The following UBR2 variants were observed in gnomAD, a reference collection of about 807,000 sequenced individuals.
UBR2 encodes the protein E3 ubiquitin-protein ligase UBR2.
Under a neutral mutation model 247.9 loss-of-function variants are expected in UBR2, and 92 were observed. That is an observed-to-expected ratio of 0.37 (90% CI 0.31 to 0.44). UBR2 has a LOEUF of 0.44. Ranked by LOEUF, UBR2 falls within the 20% of genes least tolerant of loss-of-function variation. The probability of loss-of-function intolerance (pLI) is 1.00; values close to 1 mark genes in which losing one functional copy is unlikely to be tolerated. For missense variants in UBR2, 1,613 were observed against 2,112.6 expected, an observed-to-expected ratio of 0.76 and a Z score of 4.64; for synonymous variants, 672 against 693.5, an observed-to-expected ratio of 0.97 and a Z score of 0.49.
intron 38 of UBR2, 125 bp from the exon 39 acceptor site, chr6:42,675,931 T>G: frequency 7.4e-7 from 1 of 1,346,812 alleles, no homozygotes; most frequent in East Asian, 2.6e-5. Flanking sequence ...CACTCCAGCC[T>G]GGGCAACAGA....
At chr6:42,642,230 T>C (rs1796490818) in intron 17 of UBR2, among the ~76,000 whole-genome samples, 186 bp from the exon 18 acceptor site, 2 of 152,176 alleles carry the variant, frequency 1.3e-5, no homozygotes, top group African/African-American at 4.8e-5. Context: ...ATGTGAACCA[T>C]ATCATGACCA....
chr6:42,681,553 C>T (rs1440184271), intron 42 of UBR2, among the ~76,000 whole-genome samples: 1 of 150,912 alleles, frequency 6.6e-6, no homozygotes, highest in African/African-American at 2.4e-5. Flanking sequence ...TACCACTTCA[C>T]ACCCATTAGG....
chr6:42,657,890 T>A, intron 26 of UBR2, 134 bp from the exon 27 acceptor site: 1 of 601,400 alleles, frequency 1.7e-6, no homozygotes, highest in Non-Finnish European at 2.9e-6. Flanking sequence ...ATTGAAAATC[T>A]CTATTTTGGT....
chr6:42,595,114 A>T (rs1792885940), intron 4 of UBR2, among the ~76,000 whole-genome samples: 1 of 152,200 alleles, frequency 6.6e-6, no homozygotes, highest in Non-Finnish European at 1.5e-5. Flanking sequence ...AATCAGGGTA[A>T]TTAACATATC....
At chr6:42,640,331 C>A in intron 16 of UBR2, 61 bp downstream of exon 16, 2 of 1,439,750 alleles carry the variant, frequency 1.4e-6, no homozygotes, top group South Asian at 2.5e-5. Flanking sequence ...TATTTGGAAT[C>A]ACTTTGAAAC....
intron 2 of UBR2, among the ~76,000 whole-genome samples, chr6:42,590,726 G>GA (rs972005517): frequency 6.6e-6 from 1 of 152,140 alleles, no homozygotes; most frequent in Non-Finnish European, 1.5e-5. Context: ...GGGAGAAATG[G>GA]AAAAATCAAC....
intron 5 of UBR2, among the ~76,000 whole-genome samples, chr6:42,605,335 T>C (rs1444032192): frequency 2.0e-5 from 3 of 152,112 alleles, no homozygotes; most frequent in Non-Finnish European, 4.4e-5. Context: ...GCCCCAGTCT[T>C]GACAACCAGA....
At chr6:42,574,155 T>G (rs567073861) in intron 2 of UBR2, among the ~76,000 whole-genome samples, 162 bp downstream of exon 2, 3 of 152,336 alleles carry the variant, frequency 2.0e-5, no homozygotes, top group African/African-American at 7.2e-5. Context: ...AAGCAAACAT[T>G]TTTGTAATTA....
intron 2 of UBR2, among the ~76,000 whole-genome samples, chr6:42,586,538 C>CTTTTTTTTTTTTTTTTTTTTT (rs147830824): frequency 2.4e-4 from 23 of 97,254 alleles, no homozygotes; most frequent in Non-Finnish European, 2.9e-4. Context: ...GTTTGTCTCT[C>CTTTTTTTTTTTTTTTTTTTTT]TTTTTTTTTT....
chr6:42,686,836 C>T (rs1799440287), intron 44 of UBR2, among the ~76,000 whole-genome samples: 1 of 151,998 alleles, frequency 6.6e-6, no homozygotes, highest in East Asian at 1.9e-4. Context: ...AGGGGCTCCT[C>T]ACTTCTCAGA....
Position 42,666,150 on chromosome 6 carries a change from A to G in UBR2, c.3803-17A>G, listed in dbSNP as rs1798095399. The G allele has an allele frequency of 6.3e-7, 1 of 1,599,252 alleles. No homozygotes were observed. Among genetic ancestry groups the G allele is most frequent in the Admixed American group, 1.7e-5 (1 of 58,714 alleles). On this transcript the variant is annotated splice_polypyrimidine_tract_variant and intron_variant, in intron 33 of 46. Transcript: ENST00000372901. ...TGTCATCTATTGAATAATAGTATAA[A>G]ATGCCTGTTTCTATAGATAATGCCT...
chr6:42,605,942 G>GAT (rs1793669227), intron 6 of UBR2, 83 bp downstream of exon 6: 9 of 1,209,552 alleles, frequency 7.4e-6, no homozygotes, highest in Non-Finnish European at 6.8e-6. Flanking sequence ...TTGAGTTAAA[G>GAT]ATATATATAT....
Position 42,615,937 on chromosome 6 carries a change from A to C in UBR2, c.1094-65A>C, listed in dbSNP as rs1663940068. ...ACAAAAAAAACCCACTGTGGATCAC[A>C]TAACACTTGAGAAATGTAATTGTTG... On this transcript the variant is annotated intron_variant, in intron 9 of 46. Coordinates refer to ENST00000372901, the MANE Select transcript of UBR2 (RefSeq NM_001363705.2). The C allele has an allele frequency of 7.3e-6, 9 of 1,241,182 alleles. No homozygotes were observed. In the South Asian group the frequency reaches 1.4e-4, roughly 19 times the overall value. 76.9% of individuals were successfully genotyped at this position (1,241,182 alleles called of 1,614,324 possible). A position where few individuals can be genotyped will look rare whatever the true frequency, so the allele number is the denominator to read the frequency against.
rs563018738 is a variant in UBR2 at position 42,685,883 on chromosome 6, AAAG to A, written c.4853+1018_4853+1020del. Among the ~76,000 whole-genome samples the A allele has an allele frequency of 2.3e-3, 346 of 152,182 alleles. 2 individuals carry two copies. Among genetic ancestry groups the A allele is most frequent in the African/African-American group, 6.9e-3 (285 of 41,538 alleles). ...CAGCGAGACCTTGTCTCAAAAAAAAAAAGAAGAATATAATAATGTAAGAGCTTA... is the reference window on the plus strand; with the variant it reads ...CAGCGAGACCTTGTCTCAAAAAAAAAAAGAATATAATAATGTAAGAGCTTA... On this transcript the variant is annotated intron_variant, in intron 44 of 46. Coordinates refer to ENST00000372901, the MANE Select transcript of UBR2 (RefSeq NM_001363705.2).
chr6:42,570,954 G>C (rs1791086771), intron 1 of UBR2, among the ~76,000 whole-genome samples: 1 of 151,554 alleles, frequency 6.6e-6, no homozygotes, highest in South Asian at 2.1e-4. Flanking sequence ...CCAAGTGCTG[G>C]GATTACAGGC....
At chr6:42,607,655 C>T (rs1793790111) in intron 7 of UBR2, among the ~76,000 whole-genome samples, 1 of 135,642 alleles carries the variant, frequency 7.4e-6, no homozygotes, top group Admixed American at 7.3e-5. Context: ...GCTGGGAGGA[C>T]AGGCATGTCC....
At chr6:42,643,480 C>A (rs1353920278) in intron 18 of UBR2, among the ~76,000 whole-genome samples, 3 of 152,032 alleles carry the variant, frequency 2.0e-5, no homozygotes, top group Non-Finnish European at 4.4e-5. Flanking sequence ...CCTGTAGTCC[C>A]AGCTACTTGG....
At position 42,594,271 on chromosome 6, in the gene UBR2, T is replaced by C; in HGVS notation, c.498T>C (p.His166=). 6.2e-7 allele frequency: 1 copy of C among 1,612,866 alleles called. No homozygotes were observed. Among genetic ancestry groups the C allele is most frequent in the South Asian group, 1.1e-5 (1 of 90,964 alleles). Reference sequence around the variant, plus strand: ...AAGAGGGTCCTTACTGTCAAAAACATGAACTTAACACCTCTGAAATTGAGG... The same window carrying C: ...AAGAGGGTCCTTACTGTCAAAAACACGAACTTAACACCTCTGAAATTGAGG... ...AWKEGPYCQK[H]ELNTSEIEEE... Residue 166 remains histidine (H), a synonymous_variant, in exon 4 of 47, where the codon CAT becomes CAC. Coordinates refer to ENST00000372901, the MANE Select transcript of UBR2 (RefSeq NM_001363705.2).
Position 42,642,482 on chromosome 6 carries a change from G to T in UBR2, c.2097+1G>T. ...TGACAAGGATGTAGTAATGCTTCAG[G>T]TAATGAATTAAAAGCATTGAACTTA... is the stretch of plus-strand genomic sequence containing the variant. On this transcript the variant is annotated splice_donor_variant, in intron 18 of 46. Coordinates refer to ENST00000372901, the MANE Select transcript of UBR2 (RefSeq NM_001363705.2). LOFTEE classifies it high-confidence loss of function. 6.2e-7 allele frequency: 1 copy of T among 1,608,252 alleles called. No individual in the cohort carries two copies. Among genetic ancestry groups the T allele is most frequent in the Non-Finnish European group, 8.5e-7 (1 of 1,175,498 alleles).
Sources: gnomAD v4.1 joint callset for allele counts (sites outside exome capture counted in the v4.1 genomes callset) on GRCh38, gnomAD v4.1.1 for gene constraint, MANE v1.5 for transcripts, NCBI Gene and HGNC (gene_info 2026-07-23, HGNC 2026-07-21) for gene names.